The following SUPT3H variants were observed in gnomAD, a reference collection of about 807,000 sequenced individuals.
The protein encoded by SUPT3H is SPT3 homolog, SAGA and STAGA complex component.
SUPT3H carries 44 observed loss-of-function variants against 44.3 expected under a neutral mutation model. The ratio of observed to expected loss-of-function variants is 0.99; its 90% confidence interval spans 0.78 to 1.28. SUPT3H has a LOEUF of 1.28. Ranked by LOEUF, SUPT3H falls within the 50% of genes most tolerant of loss-of-function variation. The pLI, the probability that SUPT3H is intolerant of heterozygous loss-of-function variation, is 0.00. For missense variants in SUPT3H, 380 were observed against 387.1 expected (o/e 0.98, Z 0.15); for synonymous variants, 124 against 125.6 (o/e 0.99, Z 0.09).
chr6:45,376,945 A>G (rs1796874249), intron 1 of SUPT3H, among the ~76,000 whole-genome samples: 1 of 152,148 alleles, frequency 6.6e-6, no homozygotes, highest in African/African-American at 2.4e-5. Context: ...ATAACTTAAC[A>G]TTTCTATTAG....
chr6:44,962,177 A>T (rs1176669025), intron 6 of SUPT3H, among the ~76,000 whole-genome samples: 1 of 152,238 alleles, frequency 6.6e-6, no homozygotes, highest in African/African-American at 2.4e-5. Context: ...TATTATTGTC[A>T]ATCTGCTTTA....
intron 3 of SUPT3H, among the ~76,000 whole-genome samples, chr6:45,088,827 T>A (rs567960419): frequency 6.6e-6 from 1 of 152,204 alleles, no homozygotes; most frequent in African/African-American, 2.4e-5. Context: ...ATTTGATTGT[T>A]ATATGATTTT....
intron 10 of SUPT3H, among the ~76,000 whole-genome samples, chr6:44,924,134 A>G (rs1769160091): frequency 6.6e-6 from 1 of 152,222 alleles, no homozygotes; most frequent in African/African-American, 2.4e-5. Context: ...GATTCCCTCT[A>G]AACACTTTCC....
At chr6:45,310,729 G>A (rs1165453009) in intron 2 of SUPT3H, among the ~76,000 whole-genome samples, 1 of 152,168 alleles carries the variant, frequency 6.6e-6, no homozygotes, top group Non-Finnish European at 1.5e-5. Flanking sequence ...GGAAAAGGGG[G>A]CGAGTACTAC....
intron 3 of SUPT3H, among the ~76,000 whole-genome samples, chr6:45,051,056 T>C (rs1378031591): frequency 6.6e-6 from 1 of 152,048 alleles, no homozygotes; most frequent in Non-Finnish European, 1.5e-5. Context: ...AGCTAATTTT[T>C]TGCATTTTTA....
At chr6:44,817,423 C>G (rs900295812) in intron 11 of SUPT3H, among the ~76,000 whole-genome samples, 1 of 152,024 alleles carries the variant, frequency 6.6e-6, no homozygotes, top group African/African-American at 2.4e-5. Flanking sequence ...GGGAAAAGGA[C>G]AGGATGTCCA....
intron 10 of SUPT3H, among the ~76,000 whole-genome samples, chr6:44,859,619 T>C (rs1561902951): frequency 6.6e-6 from 1 of 152,212 alleles, no homozygotes; most frequent in Non-Finnish European, 1.5e-5. Flanking sequence ...GACAAATGTG[T>C]TGACCAAAGG....
rs141658479 is a variant in SUPT3H, at chr6:45,100,931, T to C, written c.186+4991A>G. Among the ~76,000 whole-genome samples, 5 of 152,198 alleles carry C rather than the reference T, an allele frequency of 3.3e-5. No homozygotes were observed. In the East Asian group the frequency reaches 9.7e-4, roughly 29 times the overall value. On this transcript the variant is annotated intron_variant, in intron 3 of 10. Transcript: ENST00000371459. ...AGCAATACTCACAATAGCCAAGACA[T>C]GAAATAACTGAAGTGTCCATCAACA...
chr6:45,297,091 A>G (rs1349655478), intron 2 of SUPT3H, among the ~76,000 whole-genome samples: 9 of 147,862 alleles, frequency 6.1e-5, no homozygotes, highest in Admixed American at 4.1e-4. Context: ...AAAAAAAAAA[A>G]GGAAAAAAAA....
chr6:45,343,937 A>G (rs983956902), intron 2 of SUPT3H, among the ~76,000 whole-genome samples: 1 of 152,210 alleles, frequency 6.6e-6, no homozygotes, highest in Non-Finnish European at 1.5e-5. Flanking sequence ...TTTTATAACC[A>G]GTTGCCCTTG....
chr6:45,172,666 G>C (rs188955570), intron 2 of SUPT3H, among the ~76,000 whole-genome samples: 2 of 150,134 alleles, frequency 1.3e-5, no homozygotes, highest in African/African-American at 4.9e-5. Context: ...ATCTCAGCTC[G>C]CTACAACCTC....
At chr6:45,059,216 G>T (rs1791589257) in intron 3 of SUPT3H, among the ~76,000 whole-genome samples, 2 of 152,040 alleles carry the variant, frequency 1.3e-5, no homozygotes, top group Non-Finnish European at 2.9e-5. Context: ...GAATCCAAAA[G>T]CACATCAAAA....
At chr6:45,094,717 T>C (rs1279180363) in intron 3 of SUPT3H, among the ~76,000 whole-genome samples, 1 of 152,090 alleles carries the variant, frequency 6.6e-6, no homozygotes, top group Non-Finnish European at 1.5e-5. Flanking sequence ...TATTGATGCA[T>C]GAGGTAGTAA....
chr6:45,212,386 C>G (rs1764235436), intron 2 of SUPT3H, among the ~76,000 whole-genome samples: 1 of 152,038 alleles, frequency 6.6e-6, no homozygotes, highest in Non-Finnish European at 1.5e-5. Context: ...ATTCCACTCA[C>G]TTCATCATGG....
chr6:44,832,623 A>G (rs1769028751), intron 10 of SUPT3H, among the ~76,000 whole-genome samples: 1 of 152,178 alleles, frequency 6.6e-6, no homozygotes. Context: ...CATCTCTTAA[A>G]GTTCACAGCA....
chr6:44,889,700 G>C lies in SUPT3H; in HGVS notation c.912+42953C>G, dbSNP rs979633196. 4.6e-5 allele frequency among the ~76,000 whole-genome samples: 7 copies of C among 152,082 alleles called. No homozygotes were observed. The East Asian group carries it at 7.7e-4, about 17-fold the overall frequency. On this transcript the variant is annotated intron_variant, in intron 10 of 10. Coordinates refer to ENST00000371459, the MANE Select transcript of SUPT3H (RefSeq NM_003599.4). ...GCATTACTATTCAGGACATAGGCAT[G>C]GGCAAGGACTTCATGTCTAAAACAC...
intron 2 of SUPT3H, among the ~76,000 whole-genome samples, chr6:45,234,606 T>G (rs547836905): frequency 6.6e-6 from 1 of 151,870 alleles, no homozygotes; most frequent in South Asian, 2.1e-4. Context: ...TTCTAAATTA[T>G]TATTGGGCTG....
chr6:45,024,876 C>T (rs1172954188), intron 3 of SUPT3H, among the ~76,000 whole-genome samples: 1 of 152,096 alleles, frequency 6.6e-6, no homozygotes, highest in Non-Finnish European at 1.5e-5. Context: ...AATGCATAAC[C>T]TGGGACACTG....
At chr6:45,157,709 C>G (rs146942427) in intron 2 of SUPT3H, among the ~76,000 whole-genome samples, 1 of 151,464 alleles carries the variant, frequency 6.6e-6, no homozygotes, top group East Asian at 1.9e-4. Flanking sequence ...CCACCATGCC[C>G]GGCTAATTTT....
Sources: allele counts gnomAD v4.1 joint callset (sites outside exome capture counted in the v4.1 genomes callset), GRCh38; gene constraint gnomAD v4.1.1; transcripts MANE v1.5; gene names NCBI Gene and HGNC (gene_info 2026-07-23, HGNC 2026-07-21).